DAG1: variants seen among roughly 807,000 people sequenced by gnomAD.
DAG1 encodes the protein dystroglycan 1 (dystrophin-associated glycoprotein 1).
DAG1 carries 8 observed loss-of-function variants against 46.1 expected under a neutral mutation model. The observed-to-expected ratio is 0.17, with a 90% CI of 0.10 to 0.31. The LOEUF (loss-of-function observed/expected upper bound fraction) is 0.31, where lower values mean the gene tolerates loss of function less well. Among genes scored for constraint, DAG1 ranks in the 10% least tolerant of loss-of-function variants. The pLI is 1.00. For missense variants in DAG1, 1,003 were observed against 1,189.9 expected (o/e 0.84, Z 2.31); for synonymous variants, 495 against 481.8 (o/e 1.03, Z -0.36).
chr3:49,503,580 C>G (rs757702203), intron 1 of DAG1, among the ~76,000 whole-genome samples: 18 of 151,898 alleles, frequency 1.2e-4, no homozygotes, highest in Non-Finnish European at 1.8e-4. Flanking sequence ...GCTTGTAATC[C>G]CAGAAGTTTG....
chr3:49,472,446 GAGGGACCACTT>G (rs1039384698), intron 1 of DAG1, among the ~76,000 whole-genome samples: 5 of 152,204 alleles, frequency 3.3e-5, no homozygotes, highest in Admixed American at 2.6e-4. Flanking sequence ...GTGGGATTTG[GAGGGACCACTT>G]AGGGACCACT....
intron 1 of DAG1, among the ~76,000 whole-genome samples, chr3:49,493,730 T>G (rs1461901064): frequency 6.6e-6 from 1 of 152,182 alleles, no homozygotes. Context: ...TGGGAGCTAG[T>G]GGGGCCTAGC....
chr3:49,502,172 A>C (rs1313680503), intron 1 of DAG1, among the ~76,000 whole-genome samples: 2 of 152,234 alleles, frequency 1.3e-5, no homozygotes, highest in African/African-American at 4.8e-5. Context: ...CAAAAACTAC[A>C]CAGAAAAGAG....
intron 1 of DAG1, among the ~76,000 whole-genome samples, chr3:49,474,143 C>T (rs2106796774): frequency 6.6e-6 from 1 of 152,248 alleles, no homozygotes; most frequent in Middle Eastern, 3.4e-3. Context: ...CAACCTCCGC[C>T]TCCTGGGTTC....
At position 49,474,741 on chromosome 3, in the gene DAG1, C is replaced by T. The variant is rs575756108; in HGVS notation, c.-117+4308C>T. On this transcript the variant is annotated intron_variant, in intron 1 of 2. Coordinates refer to ENST00000308775, the MANE Select transcript of DAG1 (RefSeq NM_004393.6). ...CAAGCAATCTGCCTTCCTCAGCCTC[C>T]GAAAGTGCTGGGATTACAAGCCTGA... 1.5e-4 allele frequency among the ~76,000 whole-genome samples: 23 copies of T among 152,084 alleles called. No individual in the cohort carries two copies. The East Asian group carries it at 1.5e-3, about 10-fold the overall frequency.
rs771766799 is a variant in DAG1, at chr3:49,531,498, G to A, written c.987G>A (p.Thr329=). Residue 329 remains threonine (T), a synonymous_variant, in exon 3 of 3, where the codon ACG becomes ACA. Transcript: ENST00000308775. This position sits in a 1 kb window ranked among gnomAD's most constrained non-coding sequence, Gnocchi z 7.0. ...TPVTAIGPPT[T]AIQEPPSRIV... ...TCACTGCCATTGGGCCCCCAACCAC[G>A]GCTATCCAGGAGCCCCCATCCAGGA... 5.0e-6 allele frequency: 8 copies of A among 1,613,048 alleles called. No individual in the cohort carries two copies. The East Asian group carries it at 8.9e-5, about 18-fold the overall frequency.
At chr3:49,473,913 T>C (rs1209955505) in intron 1 of DAG1, among the ~76,000 whole-genome samples, 2 of 148,764 alleles carry the variant, frequency 1.3e-5, no homozygotes, top group African/African-American at 5.0e-5. Flanking sequence ...AGACAGAGTC[T>C]CACTCTGTTA....
intron 2 of DAG1, among the ~76,000 whole-genome samples, chr3:49,523,046 ATGTGCCTC>A (rs2051077336): frequency 6.6e-6 from 1 of 152,194 alleles, no homozygotes; most frequent in African/African-American, 2.4e-5. Flanking sequence ...CCCCAAACTC[ATGTGCCTC>A]TGTGCCTCTG....
intron 1 of DAG1, among the ~76,000 whole-genome samples, chr3:49,475,161 A>G (rs1274321793): frequency 5.7e-5 from 8 of 139,580 alleles, no homozygotes; most frequent in African/African-American, 1.6e-4. Context: ...TTCGAGTGCA[A>G]TGGTGCGATA....
intron 2 of DAG1, 196 bp downstream of exon 2, chr3:49,511,015 G>A: frequency 1.0e-6 from 1 of 970,488 alleles, no homozygotes; most frequent in Non-Finnish European, 1.2e-6. Flanking sequence ...CTGTATTCTT[G>A]TTCCTATTCT....
chr3:49,480,030 A>C (rs1429171076), intron 1 of DAG1, among the ~76,000 whole-genome samples: 1 of 141,988 alleles, frequency 7.0e-6, no homozygotes, highest in Non-Finnish European at 1.5e-5. Context: ...GCTCACTGCA[A>C]CCTCTGCCTC....
At chr3:49,489,928 T>A (rs1029049927) in intron 1 of DAG1, among the ~76,000 whole-genome samples, 1 of 152,102 alleles carries the variant, frequency 6.6e-6, no homozygotes, top group Non-Finnish European at 1.5e-5. Flanking sequence ...GGGAGGGTTA[T>A]ATAGCTGTCA....
chr3:49,511,582 T>C (rs2090479565), intron 2 of DAG1, among the ~76,000 whole-genome samples: 1 of 152,232 alleles, frequency 6.6e-6, no homozygotes, highest in African/African-American at 2.4e-5. Flanking sequence ...GGCATGATCA[T>C]GTCTCACTGT....
At chr3:49,515,677 G>C (rs1242837671) in intron 2 of DAG1, among the ~76,000 whole-genome samples, 1 of 151,908 alleles carries the variant, frequency 6.6e-6, no homozygotes, top group Non-Finnish European at 1.5e-5. Flanking sequence ...TGAGCATCAC[G>C]CCCAGCCTGC....
intron 1 of DAG1, among the ~76,000 whole-genome samples, chr3:49,477,711 C>T (rs1453939205): frequency 6.6e-6 from 1 of 152,144 alleles, no homozygotes; most frequent in Non-Finnish European, 1.5e-5. Flanking sequence ...CCTATAATCC[C>T]AGCACTTTGG....
At chr3:49,490,985 A>C (rs1346505645) in intron 1 of DAG1, among the ~76,000 whole-genome samples, 1 of 147,316 alleles carries the variant, frequency 6.8e-6, no homozygotes, top group Non-Finnish European at 1.5e-5. Context: ...TCCCAGGTTC[A>C]AGCGATTTTC....
intron 1 of DAG1, among the ~76,000 whole-genome samples, chr3:49,499,979 T>G (rs909703206): frequency 5.5e-5 from 8 of 146,766 alleles, no homozygotes; most frequent in Non-Finnish European, 1.1e-4. Context: ...TTCTTCTTCT[T>G]TTTTTTTTTT....
chr3:49,506,294 C>T (rs2050606510), intron 1 of DAG1, among the ~76,000 whole-genome samples: 1 of 152,138 alleles, frequency 6.6e-6, no homozygotes, highest in Non-Finnish European at 1.5e-5. Context: ...CTTTTTTTCT[C>T]ACTTTATTGC....
At chr3:49,501,231 C>G (rs1005183685) in intron 1 of DAG1, among the ~76,000 whole-genome samples, 2 of 152,052 alleles carry the variant, frequency 1.3e-5, no homozygotes, top group Non-Finnish European at 2.9e-5. Context: ...CAGGGTGTGT[C>G]TCATAACTGA....
Sources: gnomAD v4.1 joint callset for allele counts (sites outside exome capture counted in the v4.1 genomes callset) on GRCh38, gnomAD v4.1.1 for gene constraint, Gnocchi (gnomAD v3.1) non-coding constraint, MANE v1.5 for transcripts, NCBI Gene and HGNC (gene_info 2026-07-23, HGNC 2026-07-21) for gene names.